PRP4K: variants seen among roughly 807,000 people sequenced by gnomAD.
PRP4K encodes pre-mRNA processing factor kinase PRP4K, also known as serine/threonine-protein kinase PRP4 homolog.
chr6:4,036,254 C>G, the PRP4K span, among the ~76,000 whole-genome samples: 1 of 152,112 alleles, frequency 6.6e-6, no homozygotes, highest in Non-Finnish European at 1.5e-5. Flanking sequence ...CAGGGTCACA[C>G]TCTGTCACCC....
chr6:4,057,393 G>T, the PRP4K span, among the ~76,000 whole-genome samples: 107,716 of 152,136 alleles, frequency 0.71, 38,208 homozygotes, highest in East Asian at 0.77. Flanking sequence ...AAGAGAACTT[G>T]TTCAATGATG....
the PRP4K span, among the ~76,000 whole-genome samples, chr6:4,029,036 T>C: frequency 6.7e-6 from 1 of 148,532 alleles, no homozygotes; most frequent in Admixed American, 6.7e-5. Flanking sequence ...TTTTTTTTAA[T>C]GAGATGGAGG....
At chr6:4,047,452 A>C in the PRP4K span, among the ~76,000 whole-genome samples, 1 of 152,240 alleles carries the variant, frequency 6.6e-6, no homozygotes. Flanking sequence ...TGGCAGAACA[A>C]TTTGAGAGCT....
chr6:4,049,616 C>A, the PRP4K span: 1 of 1,061,334 alleles, frequency 9.4e-7, no homozygotes, highest in Non-Finnish European at 1.4e-6. Context: ...TTCATTGTGT[C>A]TAGGAAACCA....
At chr6:4,041,043 T>A in the PRP4K span, 1 of 1,137,976 alleles carries the variant, frequency 8.8e-7, no homozygotes, top group Non-Finnish European at 1.2e-6. Flanking sequence ...TTAATTTGGC[T>A]CTGAATTTAA....
At chr6:4,036,669 G>A in the PRP4K span, among the ~76,000 whole-genome samples, 6 of 152,114 alleles carry the variant, frequency 3.9e-5, no homozygotes, top group East Asian at 9.7e-4. Context: ...AAACCATTGT[G>A]CCTGGCCTAT....
chr6:4,060,085 C>G, the PRP4K span, among the ~76,000 whole-genome samples: 1 of 152,204 alleles, frequency 6.6e-6, no homozygotes, highest in African/African-American at 2.4e-5. This position sits in a 1 kb window ranked among gnomAD's most constrained non-coding sequence, Gnocchi z 4.7. Flanking sequence ...AGCATACACT[C>G]ACACACATCT....
the PRP4K span, chr6:4,031,909 C>G: frequency 6.2e-7 from 1 of 1,613,916 alleles, no homozygotes; most frequent in Non-Finnish European, 8.5e-7. Flanking sequence ...AAGGTCCAGT[C>G]TGGTATGGGG....
chr6:4,043,563 C>T, the PRP4K span, among the ~76,000 whole-genome samples: 1 of 152,072 alleles, frequency 6.6e-6, no homozygotes, highest in Non-Finnish European at 1.5e-5. Context: ...ATAAATGGTG[C>T]CTCATCTGAT....
the PRP4K span, chr6:4,051,938 A>AT: frequency 0.13 from 140,054 of 1,076,250 alleles, 2,206 homozygotes; most frequent in Non-Finnish European, 0.14. Context: ...TTTTACCCCA[A>AT]TTTTTTTTTT....
the PRP4K span, chr6:4,037,385 G>T: frequency 1.9e-6 from 3 of 1,544,212 alleles, no homozygotes; most frequent in Admixed American, 2.1e-5. Flanking sequence ...ACTTGCATTT[G>T]ATCCCCTTAA....
At chr6:4,049,452 G>A in the PRP4K span, 14 of 474,194 alleles carry the variant, frequency 3.0e-5, no homozygotes, top group South Asian at 7.1e-5. Context: ...CCAGTCATGC[G>A]GTATTTGTCA....
At chr6:4,060,613 T>G in the PRP4K span, 3 of 1,611,122 alleles carry the variant, frequency 1.9e-6, no homozygotes, top group Non-Finnish European at 2.5e-6. The surrounding 1 kb of genome is among the most constrained non-coding windows in gnomAD (Gnocchi z 4.7). Context: ...AGGAAAAAAT[T>G]TAAACAAGAT....
chr6:4,052,387 T>A, the PRP4K span, among the ~76,000 whole-genome samples: 1 of 152,202 alleles, frequency 6.6e-6, no homozygotes, highest in Non-Finnish European at 1.5e-5. Context: ...AATGAAATAC[T>A]TCAAGGAAGG....
the PRP4K span, among the ~76,000 whole-genome samples, chr6:4,055,194 A>G: frequency 9.2e-4 from 140 of 152,224 alleles, no homozygotes; most frequent in Non-Finnish European, 1.8e-3. Context: ...TCTTTAAGGC[A>G]TTTTAGCCAG....
At chr6:4,057,293 A>T in the PRP4K span, 4 of 1,181,496 alleles carry the variant, frequency 3.4e-6, no homozygotes, top group South Asian at 4.2e-5. Flanking sequence ...AATTTCAGAA[A>T]GGTGGGTAGA....
At chr6:4,027,701 T>C in the PRP4K span, among the ~76,000 whole-genome samples, 4 of 152,018 alleles carry the variant, frequency 2.6e-5, no homozygotes, top group African/African-American at 9.7e-5. Context: ...GTAGGTACTA[T>C]TGTTTTCTCC....
the PRP4K span, among the ~76,000 whole-genome samples, chr6:4,034,042 G>T: frequency 3.3e-5 from 5 of 152,034 alleles, no homozygotes; most frequent in African/African-American, 4.8e-5. Context: ...TTATTAAAGA[G>T]AAATCCAAAT....
the PRP4K span, chr6:4,021,423 A>G: frequency 1.9e-6 from 3 of 1,583,182 alleles, no homozygotes; most frequent in Non-Finnish European, 2.6e-6. Flanking sequence ...CAGGAAGTTC[A>G]AGATGGCCGC....
Sources: gnomAD v4.1 joint callset for allele counts (sites outside exome capture counted in the v4.1 genomes callset) on GRCh38, gnomAD v4.1.1 for gene constraint, Gnocchi (gnomAD v3.1) non-coding constraint, MANE v1.5 for transcripts, NCBI Gene and HGNC (gene_info 2026-07-23, HGNC 2026-07-21) for gene names.